Variants in SLC24A2 observed in about 807,000 individuals in gnomAD.
The protein encoded by SLC24A2 is sodium/potassium/calcium exchanger 2.
In SLC24A2, 36 loss-of-function variants were observed where a neutral mutation model predicts 62.0. The observed-to-expected ratio is 0.58, with a 90% CI of 0.44 to 0.77. The LOEUF is 0.77. Ranked by LOEUF, SLC24A2 falls within the 30% of genes least tolerant of loss-of-function variation. The pLI is 0.00. For missense variants in SLC24A2, 846 were observed against 817.9 expected, an observed-to-expected ratio of 1.03 and a Z score of -0.42; for synonymous variants, 358 against 294.0, an observed-to-expected ratio of 1.22 and a Z score of -2.23.
chr9:19,796,111 G>A, the SLC24A2 span, among the ~76,000 whole-genome samples: 2 of 134,688 alleles, frequency 1.5e-5, no homozygotes, highest in South Asian at 2.6e-4. Context: ...TCACACACCG[G>A]GGCCTGTTGT....
At chr9:20,272,439 A>G in the SLC24A2 span, among the ~76,000 whole-genome samples, 7 of 152,130 alleles carry the variant, frequency 4.6e-5, 1 homozygote, top group African/African-American at 1.7e-4. Flanking sequence ...TTCCAACTCC[A>G]CAAATGTAAG....
At chr9:19,817,524 T>C in the SLC24A2 span, among the ~76,000 whole-genome samples, 1 of 151,776 alleles carries the variant, frequency 6.6e-6, no homozygotes, top group Non-Finnish European at 1.5e-5. Flanking sequence ...TATTCATTTT[T>C]TATATATTCA....
At chr9:20,204,727 C>G in the SLC24A2 span, among the ~76,000 whole-genome samples, 1 of 149,644 alleles carries the variant, frequency 6.7e-6, no homozygotes, top group South Asian at 2.1e-4. Context: ...CTTAATAATG[C>G]AATAAAAAGT....
chr9:19,826,716 G>T, the SLC24A2 span, among the ~76,000 whole-genome samples: 1 of 152,298 alleles, frequency 6.6e-6, no homozygotes, highest in East Asian at 1.9e-4. Flanking sequence ...CATAAGGGTA[G>T]AGCCCTCATG....
the SLC24A2 span, among the ~76,000 whole-genome samples, chr9:19,946,973 G>A: frequency 6.6e-6 from 1 of 152,148 alleles, no homozygotes; most frequent in Non-Finnish European, 1.5e-5. Context: ...GGGCTAGTTT[G>A]GTTTCTAGGT....
chr9:19,618,291 T>A (rs1817820231), intron 4 of SLC24A2, among the ~76,000 whole-genome samples: 1 of 152,172 alleles, frequency 6.6e-6, no homozygotes, highest in South Asian at 2.1e-4. Flanking sequence ...AGAAGGCTCA[T>A]GACCAGGTCT....
chr9:20,271,868 G>A, the SLC24A2 span, among the ~76,000 whole-genome samples: 2 of 152,316 alleles, frequency 1.3e-5, no homozygotes, highest in East Asian at 3.9e-4. Context: ...CCATTTGTAA[G>A]GATATTGCAA....
the SLC24A2 span, among the ~76,000 whole-genome samples, chr9:20,079,844 G>T: frequency 1.3e-5 from 2 of 152,036 alleles, no homozygotes; most frequent in African/African-American, 4.8e-5. Context: ...AGACGATGGG[G>T]TTTTCTAGAT....
chr9:19,644,934 A>AT (rs1187247548), intron 2 of SLC24A2, among the ~76,000 whole-genome samples: 1 of 152,198 alleles, frequency 6.6e-6, no homozygotes, highest in Non-Finnish European at 1.5e-5. Context: ...GGTCTTTTTC[A>AT]TGCATTAAGC....
chr9:19,557,252 C>T (rs1480291318), intron 7 of SLC24A2, among the ~76,000 whole-genome samples: 1 of 152,102 alleles, frequency 6.6e-6, no homozygotes, highest in Non-Finnish European at 1.5e-5. Context: ...ATAAATTAAA[C>T]CCATTAAAAT....
At chr9:20,184,546 TCAAA>T in the SLC24A2 span, among the ~76,000 whole-genome samples, 196 of 152,086 alleles carry the variant, frequency 1.3e-3, no homozygotes, top group African/African-American at 4.6e-3. Context: ...AGACTCCATC[TCAAA>T]CAAACAAACA....
chr9:19,571,676 C>T (rs912564945), intron 7 of SLC24A2, among the ~76,000 whole-genome samples: 5 of 152,160 alleles, frequency 3.3e-5, no homozygotes, highest in East Asian at 3.9e-4. Flanking sequence ...TTTGTAAGTA[C>T]ATTAAAGTTT....
Position 19,513,182 on chromosome 9 carries a change from A to ATATATATATATG in SLC24A2, c.*2970_*2971insCATATATATATA, listed in dbSNP as rs1832793560. The ATATATATATATG allele has an allele frequency of 1.5e-5, 2 of 136,080 alleles. No homozygotes were observed. The highest frequency in any genetic ancestry group is 2.3e-4 in the East Asian group (1 of 4,326). 8.4% of individuals were successfully genotyped at this position (136,080 alleles called of 1,614,324 possible). ...TATATATATATATATATATGTATATATATATATATGTATATATTTATATAT... is the reference window on the plus strand; with the variant it reads ...TATATATATATATATATATGTATATATATATATATATGTATATATATGTATATATTTATATAT... On this transcript the variant is annotated 3_prime_UTR_variant, in exon 11 of 11. Coordinates refer to ENST00000341998, the MANE Select transcript of SLC24A2 (RefSeq NM_020344.4).
At chr9:19,932,483 G>A in the SLC24A2 span, among the ~76,000 whole-genome samples, 8 of 152,134 alleles carry the variant, frequency 5.3e-5, no homozygotes, top group Admixed American at 5.2e-4. Context: ...ACCAAGGTGG[G>A]GAAATATCTA....
the SLC24A2 span, among the ~76,000 whole-genome samples, chr9:19,812,525 T>A: frequency 1.1e-4 from 17 of 152,320 alleles, no homozygotes; most frequent in East Asian, 2.3e-3. Flanking sequence ...ATTCTTTTTA[T>A]GAATTCTAAT....
the SLC24A2 span, among the ~76,000 whole-genome samples, chr9:20,145,806 T>G: frequency 6.6e-6 from 1 of 152,044 alleles, no homozygotes; most frequent in African/African-American, 2.4e-5. Context: ...TATGCATATA[T>G]GTATATGTCA....
At chr9:19,942,710 G>T in the SLC24A2 span, among the ~76,000 whole-genome samples, 1 of 152,096 alleles carries the variant, frequency 6.6e-6, no homozygotes, top group Admixed American at 6.5e-5. Flanking sequence ...TTATGTCTAC[G>T]TGGCACTGTG....
At chr9:19,838,701 G>A in the SLC24A2 span, among the ~76,000 whole-genome samples, 4 of 151,212 alleles carry the variant, frequency 2.6e-5, no homozygotes, top group Admixed American at 2.6e-4. Context: ...TCACCTCTTT[G>A]GTGAAGTTAA....
At chr9:19,544,997 C>G (rs912908482) in intron 8 of SLC24A2, among the ~76,000 whole-genome samples, 2 of 152,164 alleles carry the variant, frequency 1.3e-5, no homozygotes, top group South Asian at 4.1e-4. Flanking sequence ...GGGAACTTCT[C>G]CTGGATGATA....
Sources: gnomAD v4.1 joint callset for allele counts (sites outside exome capture counted in the v4.1 genomes callset) on GRCh38, gnomAD v4.1.1 for gene constraint, MANE v1.5 for transcripts, NCBI Gene and HGNC (gene_info 2026-07-23, HGNC 2026-07-21) for gene names.